DLGAP1: variants seen among roughly 807,000 people sequenced by gnomAD.
The protein encoded by DLGAP1 is disks large-associated protein 1.
DLGAP1 carries 11 observed loss-of-function variants against 90.8 expected under a neutral mutation model. The observed-to-expected ratio is 0.12, with a 90% CI of 0.08 to 0.20. The LOEUF is 0.20. DLGAP1 is among the 10% of genes least tolerant of loss of function. DLGAP1 has a pLI of 1.00. For missense variants in DLGAP1, 1,050 were observed against 1,333.8 expected, an observed-to-expected ratio of 0.79 and a Z score of 3.31; for synonymous variants, 558 against 540.7, an observed-to-expected ratio of 1.03 and a Z score of -0.44.
intron 2 of DLGAP1, among the ~76,000 whole-genome samples, chr18:4,147,736 T>C (rs553260211): frequency 6.6e-6 from 1 of 152,282 alleles, no homozygotes; most frequent in African/African-American, 2.4e-5. Context: ...GATATTAAGA[T>C]GGTAACTGAC....
intron 1 of DLGAP1, among the ~76,000 whole-genome samples, chr18:4,348,356 T>C (rs1314468680): frequency 6.6e-6 from 1 of 150,480 alleles, no homozygotes; most frequent in Non-Finnish European, 1.5e-5. Context: ...GAATGAACCC[T>C]GTGATGCTGG....
chr18:3,862,819 T>C (rs905098132), intron 4 of DLGAP1, among the ~76,000 whole-genome samples: 7 of 152,268 alleles, frequency 4.6e-5, no homozygotes, highest in Non-Finnish European at 1.0e-4. Flanking sequence ...AATGGTGGAA[T>C]GATTTATTTA....
chr18:3,793,761 T>C (rs745683803), intron 5 of DLGAP1, among the ~76,000 whole-genome samples: 4 of 152,152 alleles, frequency 2.6e-5, no homozygotes, highest in Non-Finnish European at 4.4e-5. Flanking sequence ...CTGACTCACT[T>C]TCCCCTTGCA....
chr18:3,656,475 C>T (rs2059488597), intron 7 of DLGAP1, among the ~76,000 whole-genome samples: 1 of 152,162 alleles, frequency 6.6e-6, no homozygotes, highest in African/African-American at 2.4e-5. Context: ...CCAGCACTTC[C>T]TCTTTGATAC....
At chr18:3,602,217 T>C (rs2057078761) in intron 7 of DLGAP1, among the ~76,000 whole-genome samples, 1 of 152,026 alleles carries the variant, frequency 6.6e-6, no homozygotes, top group African/African-American at 2.4e-5. Context: ...TTGGAAACCA[T>C]TTCCCAAAAT....
At chr18:4,377,528 A>T (rs2082038612) in intron 1 of DLGAP1, among the ~76,000 whole-genome samples, 1 of 152,188 alleles carries the variant, frequency 6.6e-6, no homozygotes, top group Non-Finnish European at 1.5e-5. Context: ...CTTTCAAAGG[A>T]TAAACAAGTT....
In DLGAP1 at chr18:4,327,097, TTTA is replaced by T. The variant is rs2080836290; in HGVS notation, c.-267+127906_-267+127908del. On this transcript the variant is annotated intron_variant, in intron 1 of 12. Transcript: ENST00000315677. ...AAAAATGTTAATTAAAGAATACAAATTTACAAATTTTCGATTAGACATAGAAAT... is the reference window on the plus strand; with the variant it reads ...AAAAATGTTAATTAAAGAATACAAATCAAATTTTCGATTAGACATAGAAAT... 1.1e-4 allele frequency among the ~76,000 whole-genome samples: 4 copies of T among 38,054 alleles called. 1 individual carries two copies. The highest frequency in any genetic ancestry group is 8.5e-4 in the East Asian group (1 of 1,178). 25.0% of individuals were successfully genotyped at this position (38,054 alleles called of 152,430 possible). A position where few individuals can be genotyped will look rare whatever the true frequency, so the allele number is the denominator to read the frequency against.
At chr18:3,656,388 G>T (rs1237525863) in intron 7 of DLGAP1, 3 of 411,600 alleles carry the variant, frequency 7.3e-6, no homozygotes, top group African/African-American at 6.1e-5. Flanking sequence ...GGCCAAGTCT[G>T]CCTGAGTGAC....
intron 1 of DLGAP1, among the ~76,000 whole-genome samples, chr18:4,167,040 T>C (rs1055450073): frequency 2.0e-5 from 3 of 152,140 alleles, no homozygotes; most frequent in African/African-American, 4.8e-5. Context: ...ATTATGTATA[T>C]TTTACCATAA....
chr18:4,270,126 AT>A (rs1317602058), intron 1 of DLGAP1, among the ~76,000 whole-genome samples: 1 of 152,224 alleles, frequency 6.6e-6, no homozygotes, highest in Admixed American at 6.5e-5. Flanking sequence ...GATCTCTCTC[AT>A]TCTCTGAGAA....
chr18:4,197,188 T>TAAAAAAAAAAAAAAAAAAA (rs532844849), intron 1 of DLGAP1, among the ~76,000 whole-genome samples: 8 of 73,694 alleles, frequency 1.1e-4, no homozygotes, highest in Admixed American at 1.7e-4. Flanking sequence ...TAAAAAAAAG[T>TAAAAAAAAAAAAAAAAAAA]AAAAAAAAAA....
intron 5 of DLGAP1, among the ~76,000 whole-genome samples, chr18:3,759,267 A>AAAAAC: frequency 6.6e-6 from 1 of 151,552 alleles, no homozygotes; most frequent in African/African-American, 2.4e-5. Context: ...CAAAAAAAAA[A>AAAAAC]AAAAACAAAA....
intron 7 of DLGAP1, among the ~76,000 whole-genome samples, chr18:3,651,348 ACT>A (rs1268195294): frequency 1.3e-5 from 2 of 152,184 alleles, no homozygotes; most frequent in African/African-American, 4.8e-5. Flanking sequence ...ATAGAGCAAG[ACT>A]CTGCCTAAAA....
intron 1 of DLGAP1, among the ~76,000 whole-genome samples, chr18:4,376,559 A>G (rs568745739): frequency 6.6e-6 from 1 of 152,338 alleles, no homozygotes; most frequent in South Asian, 2.1e-4. Flanking sequence ...TTAAGAAGGA[A>G]TATCCATTAA....
intron 2 of DLGAP1, among the ~76,000 whole-genome samples, chr18:4,143,085 G>A (rs367753018): frequency 5.3e-5 from 8 of 152,228 alleles, no homozygotes; most frequent in African/African-American, 1.9e-4. Context: ...GCATGGTACT[G>A]GGTCTCACCC....
chr18:4,311,284 C>T (rs2080391131), intron 1 of DLGAP1, among the ~76,000 whole-genome samples: 1 of 152,048 alleles, frequency 6.6e-6, no homozygotes, highest in Non-Finnish European at 1.5e-5. Context: ...ATCTTTTTAC[C>T]CTCTAATTCA....
chr18:3,800,274 T>G (rs957867712), intron 5 of DLGAP1, among the ~76,000 whole-genome samples: 3 of 152,242 alleles, frequency 2.0e-5, no homozygotes, highest in Non-Finnish European at 2.9e-5. Flanking sequence ...AGCTAATTCC[T>G]GCACTCTTGT....
At chr18:4,045,006 A>G (rs2075027641) in intron 2 of DLGAP1, among the ~76,000 whole-genome samples, 1 of 152,110 alleles carries the variant, frequency 6.6e-6, no homozygotes, top group African/African-American at 2.4e-5. Flanking sequence ...AGATAAACCA[A>G]AGAACAATGT....
At chr18:3,904,249 C>A (rs1422736710) in intron 3 of DLGAP1, among the ~76,000 whole-genome samples, 4 of 152,218 alleles carry the variant, frequency 2.6e-5, no homozygotes, top group African/African-American at 9.6e-5. Flanking sequence ...GGGCATGTAG[C>A]ACTGCTCCAC....
Sources: allele counts gnomAD v4.1 joint callset (sites outside exome capture counted in the v4.1 genomes callset), GRCh38; gene constraint gnomAD v4.1.1; transcripts MANE v1.5; gene names NCBI Gene and HGNC (gene_info 2026-07-23, HGNC 2026-07-21).